The following TFAP4 variants were observed in gnomAD, a reference collection of about 807,000 sequenced individuals.
TFAP4 encodes transcription factor AP-4.
Under a neutral mutation model 40.4 loss-of-function variants are expected in TFAP4, and 7 were observed. The ratio of observed to expected loss-of-function variants is 0.17; its 90% confidence interval spans 0.10 to 0.33. The LOEUF (loss-of-function observed/expected upper bound fraction) is 0.33, where lower values mean the gene tolerates loss of function less well. TFAP4 is among the 10% of genes least tolerant of loss of function. The pLI, the probability that TFAP4 is intolerant of heterozygous loss-of-function variation, is 1.00. For synonymous variants in TFAP4, 218 were observed against 181.4 expected (o/e 1.20, Z -1.62); for missense variants, 374 against 451.1 (o/e 0.83, Z 1.55).
intron 1 of TFAP4, among the ~76,000 whole-genome samples, chr16:4,269,266 G>A (rs908277866): frequency 5.3e-5 from 8 of 151,814 alleles, no homozygotes; most frequent in African/African-American, 1.4e-4. Flanking sequence ...GGCCGAGGTG[G>A]GCAGATCACG....
At chr16:4,268,373 C>T (rs1212610234) in intron 1 of TFAP4, among the ~76,000 whole-genome samples, 1 of 152,118 alleles carries the variant, frequency 6.6e-6, no homozygotes, top group Non-Finnish European at 1.5e-5. Context: ...CAGGACAACC[C>T]ATGAAACTCT....
intron 1 of TFAP4, among the ~76,000 whole-genome samples, chr16:4,269,904 G>A (rs2053028232): frequency 6.6e-6 from 1 of 152,198 alleles, no homozygotes; most frequent in Middle Eastern, 3.2e-3. Flanking sequence ...TCAGTGGCTG[G>A]GCGCAGTTGC....
chr16:4,270,952 G>A (rs1344242520), intron 1 of TFAP4, among the ~76,000 whole-genome samples: 1 of 152,272 alleles, frequency 6.6e-6, no homozygotes, highest in Non-Finnish European at 1.5e-5. Flanking sequence ...GCCTCTTTAA[G>A]CGGAATCAAA....
At chr16:4,262,185 C>A in intron 3 of TFAP4, 139 bp downstream of exon 3, 1 of 1,071,336 alleles carries the variant, frequency 9.3e-7, no homozygotes, top group South Asian at 1.4e-5. Context: ...AAACTGAGGC[C>A]GGGGCAGGAA....
In TFAP4 at chr16:4,272,947, CGTGTGTATGTGTGTGTGTGTGTGTGT is replaced by C. The variant is rs1567204102; in HGVS notation, c.-227_-202del. 2.2e-6 allele frequency: 1 copy of C among 458,522 alleles called. No individual in the cohort carries two copies. Among genetic ancestry groups the C allele is most frequent in the East Asian group, 3.7e-5 (1 of 26,690 alleles). 28.4% of individuals were successfully genotyped at this position (458,522 alleles called of 1,614,324 possible). On this transcript the variant is annotated 5_prime_UTR_variant, in exon 1 of 7. Transcript: ENST00000204517. ...GGTCTCTCCGGCCTGCCTCCCCGGG[CGTGTGTATGTGTGTGTGTGTGTGTGT>C]GTGTGTGTGTGTGTGTGTGTGTGTG...
intron 1 of TFAP4, 61 bp downstream of exon 1, chr16:4,272,597 C>CGGGCGGGCTGGCCG: frequency 7.5e-7 from 1 of 1,340,588 alleles, no homozygotes; most frequent in African/African-American, 1.8e-5. Flanking sequence ...CGCGCCCGCC[C>CGGGCGGGCTGGCCG]GGGCGGGCTG....
intron 6 of TFAP4, 146 bp downstream of exon 6, chr16:4,259,943 CG>C (rs2052930446): frequency 9.3e-7 from 1 of 1,075,684 alleles, no homozygotes. Context: ...GATCCAGGGA[CG>C]GGGCCCCCCA....
rs767861866 is a variant in TFAP4, at chr16:4,262,360, G to A, written c.318C>T (p.Leu106=). The A allele has an allele frequency of 6.2e-7, 1 of 1,614,238 alleles. No individual in the cohort carries two copies. Among genetic ancestry groups the A allele is most frequent in the Non-Finnish European group, 8.5e-7 (1 of 1,180,036 alleles). The change falls in exon 3 of 7, where the codon CTC becomes CTT. Residue 106 remains leucine, a synonymous_variant. Transcript: ENST00000204517. The part of the protein sequence containing the change: ...IFSLEQEKTR[L]LQQNTQLKRF... Reference sequence around the variant, plus strand: ...GCTTGAGCTGTGTGTTCTGCTGCAAGAGCCTGGTCTTCTCCTGCTCCAGGG... The same window carrying A: ...GCTTGAGCTGTGTGTTCTGCTGCAAAAGCCTGGTCTTCTCCTGCTCCAGGG...
At chr16:4,258,370 C>G (rs1359931484) in intron 6 of TFAP4, 121 bp from the exon 7 acceptor site, 2 of 1,009,188 alleles carry the variant, frequency 2.0e-6, no homozygotes, top group Non-Finnish European at 2.9e-6. Flanking sequence ...AAAAGCCTGG[C>G]AAAGCAGCAG....
intron 3 of TFAP4, 69 bp downstream of exon 3, chr16:4,262,255 C>T: frequency 6.5e-7 from 1 of 1,537,626 alleles, no homozygotes; most frequent in Non-Finnish European, 9.0e-7. Context: ...ACACCTGAGT[C>T]CCAGGCCCAT....
intron 1 of TFAP4, among the ~76,000 whole-genome samples, chr16:4,269,391 G>A (rs1454174773): frequency 6.6e-6 from 1 of 151,574 alleles, no homozygotes; most frequent in Non-Finnish European, 1.5e-5. Flanking sequence ...TACTCGGGAG[G>A]CTGAGGCAGG....
At chr16:4,268,857 G>A (rs1045163836) in intron 1 of TFAP4, among the ~76,000 whole-genome samples, 1 of 151,864 alleles carries the variant, frequency 6.6e-6, no homozygotes, top group African/African-American at 2.4e-5. Context: ...GTCTCCCAAA[G>A]TGCTAGGGTT....
intron 1 of TFAP4, chr16:4,265,577 T>C (rs1236516841): frequency 8.9e-6 from 1 of 111,984 alleles, no homozygotes; most frequent in Admixed American, 1.4e-4. Context: ...GTCACTGTAC[T>C]CCAGCCTGGG....
intron 4 of TFAP4, among the ~76,000 whole-genome samples, chr16:4,261,475 G>C (rs550848550): frequency 6.6e-6 from 1 of 150,780 alleles, no homozygotes; most frequent in South Asian, 2.1e-4. Flanking sequence ...TTTTAGTAGA[G>C]ACGGGGTTTC....
At chr16:4,259,278 C>T (rs952846216) in intron 6 of TFAP4, among the ~76,000 whole-genome samples, 1 of 151,652 alleles carries the variant, frequency 6.6e-6, no homozygotes, top group Non-Finnish European at 1.5e-5. Flanking sequence ...GGATTACAGG[C>T]GTGCACCACC....
intron 4 of TFAP4, 21 bp downstream of exon 4, chr16:4,261,758 C>A: frequency 6.3e-7 from 1 of 1,585,126 alleles, no homozygotes; most frequent in Non-Finnish European, 8.6e-7. Flanking sequence ...GCGCCGTGCC[C>A]AGCAGAGGGC....
intron 1 of TFAP4, among the ~76,000 whole-genome samples, chr16:4,272,117 C>G (rs1352203609): frequency 6.6e-6 from 1 of 151,102 alleles, no homozygotes; most frequent in African/African-American, 2.4e-5. Flanking sequence ...CGCGAGCACG[C>G]CCCCGACCCC....
In TFAP4 at chr16:4,257,908, T is replaced by C. The variant is rs2052909813; in HGVS notation, c.*147A>G. The C allele has an allele frequency of 1.2e-6, 1 of 801,708 alleles. No individual in the cohort carries two copies. The highest frequency in any genetic ancestry group is 1.8e-5 in the African/African-American group (1 of 56,878). 49.7% of individuals were successfully genotyped at this position (801,708 alleles called of 1,614,324 possible). ...TTGAGTGGCTTCGTTCAAAGGTCGA[T>C]TTACAGTATTGAAAAAGAGGTCATA... is the stretch of plus-strand genomic sequence containing the variant. On this transcript the variant is annotated 3_prime_UTR_variant, in exon 7 of 7. Coordinates refer to ENST00000204517, the MANE Select transcript of TFAP4 (RefSeq NM_003223.3).
Position 4,261,820 on chromosome 16 carries a change from G to T in TFAP4, c.484C>A (p.Leu162Met), listed in dbSNP as rs2052951650. 6.2e-7 allele frequency: 1 copy of T among 1,612,326 alleles called. No individual in the cohort carries two copies. The highest frequency in any genetic ancestry group is 8.5e-7 in the Non-Finnish European group (1 of 1,179,512). ...RREMIELRQQLDKERSVRMML... is the reference protein window; with the variant it reads ...RREMIELRQQMDKERSVRMML... ...ATGCGCACCGAGCGCTCCTTGTCCA[G>T]CTGCTGCCGCAGCTCAATCATCTCC... Residue 162 changes from leucine (L) to methionine (M), a missense_variant, in exon 4 of 7, where the codon CTG (leucine) becomes ATG (methionine). Around this residue, in one of 6 missense-constraint regions of TFAP4, gnomAD observed 161 missense variants for 154.2 expected, o/e 1.04. Coordinates refer to ENST00000204517, the MANE Select transcript of TFAP4 (RefSeq NM_003223.3).
Sources: allele counts gnomAD v4.1 joint callset (sites outside exome capture counted in the v4.1 genomes callset), GRCh38; gene constraint gnomAD v4.1.1; regional missense constraint gnomAD v4.1.1; transcripts MANE v1.5; gene names NCBI Gene and HGNC (gene_info 2026-07-23, HGNC 2026-07-21).